ANKRD35: variants seen among roughly 807,000 people sequenced by gnomAD.
ANKRD35 encodes the protein ankyrin repeat domain 35.
A neutral mutation model predicts 109.9 loss-of-function variants in ANKRD35; 102 were observed. The ratio of observed to expected loss-of-function variants is 0.93; its 90% CI spans 0.79 to 1.09. ANKRD35 has a LOEUF of 1.09. Ranked by LOEUF, ANKRD35 falls within the 50% of genes least tolerant of loss-of-function variation. The probability of loss-of-function intolerance (pLI) is 0.00; values close to 1 mark genes in which losing one functional copy is unlikely to be tolerated. For synonymous variants in ANKRD35, 515 were observed against 512.4 expected (o/e 1.01, Z -0.07); for missense variants, 1,240 against 1,230.1 (o/e 1.01, Z -0.12).
chr1:145,868,962 A>C (rs1255814115), intron 10 of ANKRD35, among the ~76,000 whole-genome samples: 1 of 152,094 alleles, frequency 6.6e-6, no homozygotes, highest in African/African-American at 2.4e-5. Flanking sequence ...CATTGTTTTT[A>C]TTTTTTTAAA....
rs1033120026 is a variant in ANKRD35, at chr1:145,877,903, G to A, written c.324+65C>T. 2.7e-6 allele frequency: 4 copies of A among 1,491,084 alleles called. No individual in the cohort carries two copies. In the Admixed American group the frequency reaches 6.7e-5, roughly 25 times the overall value. The allele number at this position is 1,491,084 out of a possible 1,614,324, so 92.4% of individuals were successfully genotyped here. On this transcript the variant is annotated intron_variant, in intron 4 of 13. Coordinates refer to ENST00000355594, the MANE Select transcript of ANKRD35 (RefSeq NM_144698.5). ...CAACTATTCCTTTTAAGTATGAAAT[G>A]AAGTTAGAAAACTCTGGGACCACTT... is the stretch of plus-strand genomic sequence containing the variant.
At chr1:145,874,721 G>T in intron 8 of ANKRD35, 101 bp downstream of exon 8, 1 of 1,346,242 alleles carries the variant, frequency 7.4e-7, no homozygotes, top group Non-Finnish European at 9.9e-7. Flanking sequence ...CAACCCAGGT[G>T]ACAATTATTT....
chr1:145,878,572 C>T, intron 2 of ANKRD35, 93 bp from the exon 3 acceptor site: 1 of 1,173,254 alleles, frequency 8.5e-7, no homozygotes, highest in Non-Finnish European at 1.2e-6. Context: ...ATGCTCCCTA[C>T]CCCAAAGCCA....
intron 2 of ANKRD35, 133 bp from the exon 3 acceptor site, chr1:145,878,612 A>C (rs1033722106): frequency 7.7e-6 from 6 of 775,388 alleles, no homozygotes; most frequent in Non-Finnish European, 1.3e-5. Context: ...AAGCTCCCCT[A>C]GCTTGAATTT....
chr1:145,880,238 T>A (rs1654237522), intron 1 of ANKRD35, among the ~76,000 whole-genome samples: 1 of 152,052 alleles, frequency 6.6e-6, no homozygotes. Flanking sequence ...TTATAGGGCA[T>A]AAAAGAGACA....
Position 145,873,633 on chromosome 1 carries a change from G to T in ANKRD35, c.1136C>A (p.Ala379Asp). Residue 379 changes from alanine to aspartate, a missense_variant, in exon 10 of 14, where the codon GCT (alanine) becomes GAT (aspartate). Transcript: ENST00000355594. ...MEQGCPKDLL[A>D]ESTQELKKQQ... ...CTTCTTTAGCTCTTGTGTACTCTCA[G>T]CCAGCAGGTCCTTAGGACAACCCTG... The T allele has an allele frequency of 6.2e-7, 1 of 1,614,012 alleles. No homozygotes were observed. The highest frequency in any genetic ancestry group is 8.5e-7 in the Non-Finnish European group (1 of 1,180,008).
chr1:145,882,510 CA>C (rs1262337440), intron 1 of ANKRD35, among the ~76,000 whole-genome samples: 1 of 149,510 alleles, frequency 6.7e-6, no homozygotes, highest in African/African-American at 2.5e-5. Flanking sequence ...AGGCTGGTCT[CA>C]AAAACTCCTG....
At chr1:145,874,072 A>AC in intron 9 of ANKRD35, 83 bp downstream of exon 9, 2 of 1,610,858 alleles carry the variant, frequency 1.2e-6, no homozygotes, top group Non-Finnish European at 8.5e-7. Context: ...ATGTCTTGAC[A>AC]CCCCAAGGAC....
At chr1:145,870,381 C>T (rs1414961751) in intron 10 of ANKRD35, among the ~76,000 whole-genome samples, 1 of 152,024 alleles carries the variant, frequency 6.6e-6, no homozygotes, top group African/African-American at 2.4e-5. Context: ...CATGAGCCAC[C>T]GCACCCAGCC....
chr1:145,882,695 T>C (rs1296980671), intron 1 of ANKRD35, among the ~76,000 whole-genome samples: 1 of 152,130 alleles, frequency 6.6e-6, no homozygotes, highest in Non-Finnish European at 1.5e-5. Context: ...AAACTTTTCA[T>C]GGCCAAGCCT....
chr1:145,885,376 T>C (rs782445139), intron 1 of ANKRD35, among the ~76,000 whole-genome samples: 4 of 151,356 alleles, frequency 2.6e-5, no homozygotes, highest in Non-Finnish European at 5.9e-5. Flanking sequence ...GGAAGATGCT[T>C]GGGGGAGGTT....
intron 10 of ANKRD35, among the ~76,000 whole-genome samples, chr1:145,871,059 T>C (rs1282100170): frequency 6.6e-6 from 1 of 151,940 alleles, no homozygotes; most frequent in Non-Finnish European, 1.5e-5. Flanking sequence ...TAGAAACATG[T>C]AGACTCACAT....
chr1:145,882,462 A>ATTTTTTTTTTTTTTTT lies in ANKRD35; in HGVS notation c.40-3075_40-3074insAAAAAAAAAAAAAAAA, dbSNP rs781961496. 8.3e-3 allele frequency among the ~76,000 whole-genome samples: 1,169 copies of ATTTTTTTTTTTTTTTT among 140,102 alleles called. 17 individuals carry two copies. The highest frequency in any genetic ancestry group is 0.026 in the African/African-American group (952 of 36,822). 91.9% of individuals were successfully genotyped at this position (140,102 alleles called of 152,430 possible). ...AGGCATGCTCTACCACACCCAGGTA[A>ATTTTTTTTTTTTTTTT]TTTTTTTTTTTAGAGATGAGGTATC... On this transcript the variant is annotated intron_variant, in intron 1 of 13. Coordinates refer to ENST00000355594, the MANE Select transcript of ANKRD35 (RefSeq NM_144698.5).
chr1:145,885,634 G>A (rs1451894224), intron 1 of ANKRD35, 86 bp downstream of exon 1: 29 of 1,432,066 alleles, frequency 2.0e-5, no homozygotes, highest in Non-Finnish European at 2.2e-5. Flanking sequence ...AAGAAAAGGC[G>A]ATGATGCATT....
chr1:145,874,334 CA>C, intron 8 of ANKRD35, 142 bp from the exon 9 acceptor site: 1 of 954,698 alleles, frequency 1.0e-6, no homozygotes, highest in Non-Finnish European at 1.6e-6. Context: ...TGCCAGAAGC[CA>C]ATCTTGTTTA....
chr1:145,874,068 T>G, intron 9 of ANKRD35, 83 bp from the exon 10 acceptor site: 1 of 1,611,314 alleles, frequency 6.2e-7, no homozygotes. Context: ...TTAAATGTCT[T>G]GACACCCCAA....
intron 10 of ANKRD35, among the ~76,000 whole-genome samples, chr1:145,871,055 C>T (rs1228566878): frequency 6.6e-6 from 1 of 151,188 alleles, no homozygotes; most frequent in Admixed American, 6.6e-5. Flanking sequence ...CTCATAGAAA[C>T]ATGTAGACTC....
Position 145,873,212 on chromosome 1 carries a change from C to G in ANKRD35, c.1557G>C (p.Glu519Asp), listed in dbSNP as rs782087332. Residue 519 changes from glutamate (E) to aspartate (D), a missense_variant, in exon 10 of 14, where the codon GAG (glutamate) becomes GAC (aspartate). Transcript: ENST00000355594. Reference sequence around the variant, plus strand: ...CAGCACGGGGAGTCCCCAGGGCTCCCTCCATGACCGGTCTTGACAAAGCCC... The same window carrying G: ...CAGCACGGGGAGTCCCCAGGGCTCCGTCCATGACCGGTCTTGACAAAGCCC... ...ARGALSRPVM[E>D]GALGTPRAEA... 31 of 1,614,198 alleles carry G rather than the reference C, an allele frequency of 1.9e-5. No individual in the cohort carries two copies. In the East Asian group the frequency reaches 6.2e-4, roughly 32 times the overall value.
chr1:145,880,990 A>G (rs1654265832), intron 1 of ANKRD35, among the ~76,000 whole-genome samples: 1 of 152,216 alleles, frequency 6.6e-6, no homozygotes, highest in Non-Finnish European at 1.5e-5. Context: ...AATTGGAATT[A>G]GAATCCAGGC....
Sources: gnomAD v4.1 joint callset for allele counts (sites outside exome capture counted in the v4.1 genomes callset) on GRCh38, gnomAD v4.1.1 for gene constraint, MANE v1.5 for transcripts, NCBI Gene and HGNC (gene_info 2026-07-23, HGNC 2026-07-21) for gene names.